The following BCKDHA variants were observed in gnomAD, a reference collection of about 807,000 sequenced individuals.
BCKDHA encodes the protein 2-oxoisovalerate dehydrogenase subunit alpha, mitochondrial.
BCKDHA carries 43 observed loss-of-function variants against 52.2 expected under a neutral mutation model. That is an observed-to-expected ratio of 0.82 (90% CI 0.64 to 1.06). The LOEUF (loss-of-function observed/expected upper bound fraction) is 1.06. BCKDHA is among the 50% of genes least tolerant of loss of function. The pLI, the probability that BCKDHA is intolerant of heterozygous loss-of-function variation, is 0.00. For missense variants in BCKDHA, 527 were observed against 621.3 expected, an observed-to-expected ratio of 0.85 and a Z score of 1.61; for synonymous variants, 234 against 247.9, an observed-to-expected ratio of 0.94 and a Z score of 0.53.
At chr19:41,410,468 C>T (rs776253289) in intron 1 of BCKDHA, among the ~76,000 whole-genome samples, 169 bp from the exon 2 acceptor site, 3 of 152,182 alleles carry the variant, frequency 2.0e-5, no homozygotes, top group Non-Finnish European at 2.9e-5. Flanking sequence ...TCCAAAGTGT[C>T]GCAGTGAGAA....
At chr19:41,420,771 C>T (rs534334481) in intron 5 of BCKDHA, among the ~76,000 whole-genome samples, 58 of 152,276 alleles carry the variant, frequency 3.8e-4, no homozygotes, top group African/African-American at 1.3e-3. Flanking sequence ...CAAAGCTTAC[C>T]GTAGGTGCCC....
At chr19:41,410,843 G>T in intron 2 of BCKDHA, 27 bp downstream of exon 2, 2 of 1,613,570 alleles carry the variant, frequency 1.2e-6, no homozygotes, top group Non-Finnish European at 1.7e-6. Flanking sequence ...CCCACTTCCC[G>T]TGCCCCCCAC....
chr19:41,412,383 T>TC (rs954567513), intron 3 of BCKDHA, among the ~76,000 whole-genome samples: 2 of 114,454 alleles, frequency 1.7e-5, no homozygotes, highest in African/African-American at 4.1e-5. Context: ...GATATTTCTT[T>TC]TTTTTTTTTT....
chr19:41,399,274 T>C (rs997524962), intron 1 of BCKDHA: 4 of 151,324 alleles, frequency 2.6e-5, no homozygotes, highest in South Asian at 2.1e-4. Context: ...ACAGAAGGGC[T>C]GCAGGAGCAA....
At chr19:41,417,753 CG>C (rs1324144946) in intron 4 of BCKDHA, among the ~76,000 whole-genome samples, 1 of 151,828 alleles carries the variant, frequency 6.6e-6, no homozygotes, top group African/African-American at 2.4e-5. Context: ...GGAGAAACCC[CG>C]TCTCTCCTGA....
rs1403249069 is a variant in BCKDHA at position 41,418,847 on chromosome 19, T to C, written c.485-288T>C. On this transcript the variant is annotated intron_variant, in intron 4 of 8. Transcript: ENST00000269980. ...GAACCACCATGCCTGGCCATAGTAA[T>C]GATTTATGGTTAGAATATTTCTTAA... 6.8e-6 allele frequency: 3 copies of C among 438,076 alleles called. No homozygotes were observed. In the Admixed American group the frequency reaches 9.6e-5, roughly 14 times the overall value. 27.1% of individuals were successfully genotyped at this position (438,076 alleles called of 1,614,324 possible).
In BCKDHA at chr19:41,418,946, A is replaced by G. The variant is rs545891445; in HGVS notation, c.485-189A>G. On this transcript the variant is annotated intron_variant, in intron 4 of 8. Transcript: ENST00000269980. ...TAAGAGAAAGAAAGAAAAAGGCTAG[A>G]TTTCTGCTTTCTTTTGAAAAATCAG... 6 of 647,836 alleles carry G rather than the reference A, an allele frequency of 9.3e-6. No homozygotes were observed. The Admixed American group carries it at 1.7e-4, about 18-fold the overall frequency. The allele number at this position is 647,836 out of a possible 1,614,324, so 40.1% of individuals were successfully genotyped here. A position where few individuals can be genotyped will look rare whatever the true frequency, so the allele number is the denominator to read the frequency against.
At chr19:41,420,498 C>G (rs908129163) in intron 5 of BCKDHA, among the ~76,000 whole-genome samples, 3 of 151,858 alleles carry the variant, frequency 2.0e-5, no homozygotes, top group Non-Finnish European at 4.4e-5. Flanking sequence ...ACTCAGGAGG[C>G]TGAAGCAGGA....
chr19:41,410,644 C>G lies in BCKDHA; in HGVS notation c.116C>G (p.Pro39Arg), dbSNP rs11549936. The change falls in exon 2 of 9, where the codon CCC (proline) becomes CGC (arginine). Residue 39 changes from proline (P) to arginine (R), a missense_variant. Transcript: ENST00000269980. ...GARGLARSHP[P>R]RQQQQFSSLD... Reference sequence around the variant, plus strand: ...CTCTGCTCTCTTCCCCAGCACCCCCCCAGGCAGCAGCAGCAGTTTTCATCT... The same window carrying G: ...CTCTGCTCTCTTCCCCAGCACCCCCGCAGGCAGCAGCAGCAGTTTTCATCT... 1.1e-5 allele frequency: 18 copies of G among 1,614,008 alleles called. No individual in the cohort carries two copies. The East Asian group carries it at 2.0e-4, about 18-fold the overall frequency.
At position 41,414,102 on chromosome 19, in the gene BCKDHA, G is replaced by A. The variant is rs1402214376; in HGVS notation, c.429G>A (p.Gly143=). Reference sequence around the variant, plus strand: ...ATGGTGAGGAGGGCACGCACGTGGGGAGTGCCGCCGCCCTGGACAACACGG... The same window carrying A: ...ATGGTGAGGAGGGCACGCACGTGGGAAGTGCCGCCGCCCTGGACAACACGG... ...TNYGEEGTHV[G]SAAALDNTDL... is the part of the protein sequence containing the mutation. Residue 143 remains glycine (G), a synonymous_variant, in exon 4 of 9, where the codon GGG becomes GGA. Transcript: ENST00000269980. 6.2e-7 allele frequency: 1 copy of A among 1,613,792 alleles called. No homozygotes were observed. Among genetic ancestry groups the A allele is most frequent in the Non-Finnish European group, 8.5e-7 (1 of 1,180,044 alleles).
At chr19:41,403,769 C>T (rs1034316290) in intron 1 of BCKDHA, among the ~76,000 whole-genome samples, 6 of 152,176 alleles carry the variant, frequency 3.9e-5, no homozygotes, top group African/African-American at 1.4e-4. Flanking sequence ...GCCATCCCCA[C>T]GAGGGCACGC....
At chr19:41,416,067 C>T (rs887583167) in intron 4 of BCKDHA, among the ~76,000 whole-genome samples, 38 of 151,840 alleles carry the variant, frequency 2.5e-4, no homozygotes, top group Admixed American at 3.3e-4. Context: ...CCTCAGACTC[C>T]GGAGTAGCTG....
chr19:41,409,976 T>C (rs2039234074), intron 1 of BCKDHA, among the ~76,000 whole-genome samples: 1 of 152,010 alleles, frequency 6.6e-6, no homozygotes, highest in Non-Finnish European at 1.5e-5. Flanking sequence ...AATTTTTCTA[T>C]TTTTAGTGGG....
rs1251140817 is a variant in BCKDHA at position 41,419,135 on chromosome 19, G to A, written c.485G>A (p.Gly162Asp). 3.1e-6 allele frequency: 5 copies of A among 1,614,114 alleles called. No homozygotes were observed. The highest frequency in any genetic ancestry group is 4.2e-6 in the Non-Finnish European group (5 of 1,180,006). Residue 162 changes from glycine (G) to aspartate (D), a missense_variant and splice_region_variant, in exon 5 of 9, where the codon GGT (glycine) becomes GAT (aspartate). Physicochemically the swap from Gly to Asp is moderately conservative, Grantham distance 94. Transcript: ENST00000269980. ...TAACCATTGCCTCCTCCCCTCCTAG[G>A]TGTGCTGATGTATCGGGACTACCCC... The part of the protein sequence containing the change: ...DLVFGQYREA[G>D]VLMYRDYPLE...
chr19:41,401,684 G>C (rs992424605), intron 1 of BCKDHA, among the ~76,000 whole-genome samples: 3 of 152,182 alleles, frequency 2.0e-5, no homozygotes, highest in Non-Finnish European at 4.4e-5. Flanking sequence ...GGAATTGTGA[G>C]TCAGTTTCTC....
intron 3 of BCKDHA, among the ~76,000 whole-genome samples, chr19:41,411,698 G>C (rs1157031244): frequency 6.6e-6 from 1 of 152,168 alleles, no homozygotes; most frequent in Non-Finnish European, 1.5e-5. Flanking sequence ...AGTCCCGGCA[G>C]TTGCTGCCTG....
At chr19:41,407,857 A>G (rs144287648) in intron 1 of BCKDHA, among the ~76,000 whole-genome samples, 2,640 of 151,990 alleles carry the variant, frequency 0.017, 50 homozygotes, top group Non-Finnish European at 0.024. Context: ...AAAGTTGCAG[A>G]TGTTTGAAAA....
At chr19:41,406,006 A>C in intron 1 of BCKDHA, among the ~76,000 whole-genome samples, 1 of 152,046 alleles carries the variant, frequency 6.6e-6, no homozygotes, top group East Asian at 1.9e-4. Context: ...GTGGAGTCGC[A>C]TCCTTCCTCT....
At chr19:41,401,489 A>G (rs905360417) in intron 1 of BCKDHA, among the ~76,000 whole-genome samples, 7 of 152,144 alleles carry the variant, frequency 4.6e-5, no homozygotes, top group African/African-American at 1.7e-4. Context: ...ATTGGATTAG[A>G]AGGAGGAGTG....
Sources: allele counts gnomAD v4.1 joint callset (sites outside exome capture counted in the v4.1 genomes callset), GRCh38; gene constraint gnomAD v4.1.1; transcripts MANE v1.5; gene names NCBI Gene and HGNC (gene_info 2026-07-23, HGNC 2026-07-21).